The following SBDS variants were observed in gnomAD, a reference collection of about 807,000 sequenced individuals.
SBDS encodes the protein ribosome maturation protein SBDS.
Under a neutral mutation model 26.4 loss-of-function variants are expected in SBDS, and 20 were observed. The ratio of observed to expected loss-of-function variants is 0.76; its 90% CI spans 0.53 to 1.10. The LOEUF (loss-of-function observed/expected upper bound fraction) is 1.10. SBDS is among the 50% of genes least tolerant of loss of function. The pLI, the probability that SBDS is intolerant of heterozygous loss-of-function variation, is 0.00. For synonymous variants in SBDS, 95 were observed against 105.1 expected (o/e 0.90, Z 0.59); for missense variants, 241 against 302.0 (o/e 0.80, Z 1.50).
chr7:66,995,500 A>C lies in SBDS; in HGVS notation c.-83T>G. On this transcript the variant is annotated 5_prime_UTR_variant, in exon 1 of 5. Coordinates refer to ENST00000246868, the MANE Select transcript of SBDS (RefSeq NM_016038.4). ...CTGAAGGCCACCAGCGCCTCGCGGT[A>C]ACGACCGATCGGCGCGCGGCACTGA... 1 of 1,603,886 alleles carries C rather than the reference A, an allele frequency of 6.2e-7. No individual in the cohort carries two copies.
In SBDS at chr7:66,994,511, C is replaced by CT. The variant is rs1554341565; in HGVS notation, c.129-171dup. ...TTTTCTTACCCCCCAACCCCCGCCC[C>CT]TAGATGGAATTTCACTGTTTTTGCC... On this transcript the variant is annotated intron_variant, in intron 1 of 4. Transcript: ENST00000246868. 1.8e-5 allele frequency: 12 copies of CT among 658,712 alleles called. 1 individual carries two copies. In the East Asian group the frequency reaches 3.7e-4, roughly 20 times the overall value. 40.8% of individuals were successfully genotyped at this position (658,712 alleles called of 1,614,324 possible).
intron 3 of SBDS, among the ~76,000 whole-genome samples, chr7:66,992,947 T>C (rs1395515207): frequency 6.7e-6 from 1 of 149,692 alleles, no homozygotes. Flanking sequence ...GTGGAGATTG[T>C]AGTGAGCCGA....
At chr7:66,993,869 A>G (rs1447620137) in intron 2 of SBDS, among the ~76,000 whole-genome samples, 4 of 151,530 alleles carry the variant, frequency 2.6e-5, no homozygotes, top group Non-Finnish European at 5.9e-5. Flanking sequence ...ACAGAGCAAG[A>G]CTCTGTCCCC....
Position 66,993,142 on chromosome 7 carries a change from C to T in SBDS, c.459+75G>A, listed in dbSNP as rs184720578. 46 of 1,340,196 alleles carry T rather than the reference C, an allele frequency of 3.4e-5. No individual in the cohort carries two copies. The African/African-American group carries it at 5.3e-4, about 16-fold the overall frequency. The allele number at this position is 1,340,196 out of a possible 1,614,324, so 83.0% of individuals were successfully genotyped here. ...ATGAACCATTGTGCCTGGCCCCAGA[C>T]CCATTATTTTAATGATTTCTTCAGA... is the stretch of plus-strand genomic sequence containing the variant. On this transcript the variant is annotated intron_variant, in intron 3 of 4. Coordinates refer to ENST00000246868, the MANE Select transcript of SBDS (RefSeq NM_016038.4).
chr7:66,994,844 T>C lies in SBDS; in HGVS notation c.128+446A>G, dbSNP rs987102211. Reference sequence around the variant, plus strand: ...GGACGTAAGAAACACAAGGGTGGGGTGGGGTGCAGACAGCTGCTGCCACGG... The same window carrying C: ...GGACGTAAGAAACACAAGGGTGGGGCGGGGTGCAGACAGCTGCTGCCACGG... On this transcript the variant is annotated intron_variant, in intron 1 of 4. Transcript: ENST00000246868. Among the ~76,000 whole-genome samples the C allele has an allele frequency of 2.6e-5, 4 of 151,958 alleles. No individual in the cohort carries two copies. The South Asian group carries it at 8.3e-4, about 32-fold the overall frequency.
Position 66,988,078 on chromosome 7 carries a change from C to G in SBDS, c.*293G>C, listed in dbSNP as rs1792905095. ...CACCCACAAGAGCTGCCTCAAGTAA[C>G]TTTCATTTTGGAAAGCTATCAAGGC... On this transcript the variant is annotated 3_prime_UTR_variant, in exon 5 of 5. Transcript: ENST00000246868. 4.6e-6 allele frequency: 2 copies of G among 431,780 alleles called. No individual in the cohort carries two copies. Among genetic ancestry groups the G allele is most frequent in the South Asian group, 2.3e-5 (1 of 43,608 alleles). 26.7% of individuals were successfully genotyped at this position (431,780 alleles called of 1,614,324 possible). A position where few individuals can be genotyped will look rare whatever the true frequency, so the allele number is the denominator to read the frequency against.
intron 4 of SBDS, 24 bp from the exon 5 acceptor site, chr7:66,988,523 T>A: frequency 6.2e-7 from 1 of 1,611,986 alleles, no homozygotes. Flanking sequence ...CGTAGCAGAT[T>A]ACCACATGAG....
chr7:66,995,078 A>G (rs1419514751), intron 1 of SBDS: 14 of 639,490 alleles, frequency 2.2e-5, no homozygotes, highest in African/African-American at 3.7e-5. Context: ...CCCCAAACCA[A>G]CAACCCAATC....
chr7:66,988,322 C>T lies in SBDS; in HGVS notation c.*49G>A, dbSNP rs11557419. 6 of 1,601,694 alleles carry T rather than the reference C, an allele frequency of 3.7e-6. No individual in the cohort carries two copies. The highest frequency in any genetic ancestry group is 2.2e-5 in the East Asian group (1 of 44,828). Reference sequence around the variant, plus strand: ...GACCACAGACATGAAACAGTGCCGTCGGAAACGGAAACACTTTAGTGTTTT... The same window carrying T: ...GACCACAGACATGAAACAGTGCCGTTGGAAACGGAAACACTTTAGTGTTTT... On this transcript the variant is annotated 3_prime_UTR_variant, in exon 5 of 5. Transcript: ENST00000246868.
intron 4 of SBDS, among the ~76,000 whole-genome samples, chr7:66,989,283 A>C (rs111496031): frequency 0.029 from 4,087 of 139,746 alleles, no homozygotes; most frequent in East Asian, 0.15. Flanking sequence ...CGGTGGCTCA[A>C]GCCTGTAATC....
Position 66,995,441 on chromosome 7 carries a change from G to A in SBDS, c.-24C>T. The A allele has an allele frequency of 2.5e-6, 4 of 1,612,982 alleles. No individual in the cohort carries two copies. Among genetic ancestry groups the A allele is most frequent in the Non-Finnish European group, 3.4e-6 (4 of 1,179,978 alleles). On this transcript the variant is annotated 5_prime_UTR_variant, in exon 1 of 5. Transcript: ENST00000246868. Reference sequence around the variant, plus strand: ...ATCGCGGCTGTTCAAAGACCCAGAAGCCGGCGAACCAGGGCTGACCCGCGC... The same window carrying A: ...ATCGCGGCTGTTCAAAGACCCAGAAACCGGCGAACCAGGGCTGACCCGCGC...
Position 66,991,155 on chromosome 7 carries a change from A to G in SBDS, c.606T>C (p.Tyr202=). The G allele has an allele frequency of 6.2e-7, 1 of 1,613,636 alleles. No homozygotes were observed. The highest frequency in any genetic ancestry group is 1.1e-5 in the South Asian group (1 of 90,820). ...PLIKVIESED[Y]GQQLEIVCLI... is the part of the protein sequence containing the mutation. ...CTCTTACGATTTCTAACTGTTGGCC[A>G]TAATCTTCACTTTCTATGACCTTGA... The change falls in exon 4 of 5, where the codon TAT becomes TAC. Residue 202 remains tyrosine (Y), a synonymous_variant. Coordinates refer to ENST00000246868, the MANE Select transcript of SBDS (RefSeq NM_016038.4).
rs779553997 is a variant in SBDS at position 66,993,217 on chromosome 7, C to T, written c.459G>A (p.Gln153=). The part of the protein sequence containing the change: ...SVKTNKSTKQ[Q]ALEVIKQLKE... ...TTTGATGACATGAGAAACCACTCAC[C>T]TGCTGTTTTGTACTCTTGTTGGTTT... The change falls in exon 3 of 5, where the codon CAG becomes CAA. Residue 153 remains glutamine, a splice_region_variant and synonymous_variant. Transcript: ENST00000246868. 4 of 1,613,290 alleles carry T rather than the reference C, an allele frequency of 2.5e-6. No individual in the cohort carries two copies. The highest frequency in any genetic ancestry group is 3.4e-6 in the Non-Finnish European group (4 of 1,179,316).
rs1481254459 is a variant in SBDS, at chr7:66,989,395, AT to A, written c.625-897del. Among the ~76,000 whole-genome samples the A allele has an allele frequency of 6.1e-3, 929 of 151,764 alleles. 6 individuals are homozygous for A. The highest frequency in any genetic ancestry group is 0.013 in the Admixed American group (205 of 15,210). ...ACCCCGTCTCTACTAAAAATACAAA[AT>A]TAGCTGGGCGAGGTGGCACATGCCT... is the stretch of plus-strand genomic sequence containing the variant. On this transcript the variant is annotated intron_variant, in intron 4 of 4. Coordinates refer to ENST00000246868, the MANE Select transcript of SBDS (RefSeq NM_016038.4).
intron 3 of SBDS, 85 bp downstream of exon 3, chr7:66,993,132 T>G (rs1231430551): frequency 8.0e-7 from 1 of 1,254,234 alleles, no homozygotes; most frequent in African/African-American, 1.5e-5. Context: ...CCATTGTGCC[T>G]GGCCCCAGAC....
chr7:66,994,497 C>T (rs1036025369), intron 1 of SBDS, 156 bp from the exon 2 acceptor site: 47 of 705,456 alleles, frequency 6.7e-5, no homozygotes, highest in Non-Finnish European at 1.0e-4. Flanking sequence ...TTTCTTACCC[C>T]CCAACCCCCG....
At chr7:66,994,484 C>CT (rs1242421557) in intron 1 of SBDS, 143 bp from the exon 2 acceptor site, 1 of 782,612 alleles carries the variant, frequency 1.3e-6, no homozygotes, top group African/African-American at 1.7e-5. Context: ...GGGCAGTTTT[C>CT]TTTTTCTTAC....
At chr7:66,993,671 T>C (rs1470596709) in intron 2 of SBDS, among the ~76,000 whole-genome samples, 1 of 152,006 alleles carries the variant, frequency 6.6e-6, no homozygotes, top group Non-Finnish European at 1.5e-5. Flanking sequence ...GTCAGGAGTT[T>C]GAGACCAACC....
Position 66,993,377 on chromosome 7 carries a change from C to G in SBDS, c.299G>C (p.Arg100Thr), listed in dbSNP as rs1793016911. The change falls in exon 3 of 5, where the codon AGA becomes ACA. Residue 100 changes from arginine (R) to threonine (T), a missense_variant. Coordinates refer to ENST00000246868, the MANE Select transcript of SBDS (RefSeq NM_016038.4). The part of the protein sequence containing the change: ...KGEVQVSDKE[R>T]HTQLEQMFRD... The stretch of plus-strand genomic sequence containing the variant: ...AAACATCTGCTCCAGTTGTGTGTGT[C>G]TTTCTTTATCTGATACTTGAACTTC... The G allele has an allele frequency of 6.2e-7, 1 of 1,613,932 alleles. No individual in the cohort carries two copies.
Sources: gnomAD v4.1 joint callset for allele counts (sites outside exome capture counted in the v4.1 genomes callset) on GRCh38, gnomAD v4.1.1 for gene constraint, MANE v1.5 for transcripts, NCBI Gene and HGNC (gene_info 2026-07-23, HGNC 2026-07-21) for gene names.